Variants in COA1 observed in about 807,000 individuals in gnomAD.
COA1 encodes cytochrome c oxidase assembly factor 1, also known as cytochrome c oxidase assembly factor 1 homolog.
COA1 carries 13 observed loss-of-function variants against 16.0 expected under a neutral mutation model. The observed-to-expected ratio is 0.81, with a 90% CI of 0.53 to 1.29. The LOEUF is 1.29. Among genes scored for constraint, COA1 ranks in the 50% most tolerant of loss-of-function variants. The pLI is 0.00. For missense variants in COA1, 179 were observed against 177.0 expected, an observed-to-expected ratio of 1.01 and a Z score of -0.06; for synonymous variants, 65 against 65.7, an observed-to-expected ratio of 0.99 and a Z score of 0.05.
At chr7:43,700,314 C>T (rs1430303490) in intron 1 of COA1, among the ~76,000 whole-genome samples, 1 of 151,992 alleles carries the variant, frequency 6.6e-6, no homozygotes, top group Non-Finnish European at 1.5e-5. Context: ...GTATCCACTA[C>T]CTATCTAACA....
At chr7:43,616,750 A>G (rs1583678267) in intron 6 of COA1, among the ~76,000 whole-genome samples, 1 of 151,914 alleles carries the variant, frequency 6.6e-6, no homozygotes, top group Admixed American at 6.6e-5. Context: ...ACAAAAAATT[A>G]GCCGGGCGTG....
At chr7:43,649,333 C>T (rs1487545909) in intron 1 of COA1, 1 of 152,248 alleles carries the variant, frequency 6.6e-6, no homozygotes, top group Admixed American at 6.5e-5. Flanking sequence ...CTGGCTCCAG[C>T]ATCTGCTCTT....
rs1306736213 is a variant in COA1, at chr7:43,622,390, TACATG to T, written c.*134-12900_*134-12896del. The T allele has an allele frequency of 4.6e-5, 7 of 152,334 alleles. No individual in the cohort carries two copies. In the East Asian group the frequency reaches 1.3e-3, roughly 29 times the overall value. 9.4% of individuals were successfully genotyped at this position (152,334 alleles called of 1,614,324 possible). A position where few individuals can be genotyped will look rare whatever the true frequency, so the allele number is the denominator to read the frequency against. Reference sequence around the variant, plus strand: ...GGGTTTGTCACAAATGAGTAGTAGATACATGACCTTGAGTATTTCGTTTTTTCATA... The same window carrying T: ...GGGTTTGTCACAAATGAGTAGTAGATACCTTGAGTATTTCGTTTTTTCATA... On this transcript the variant is annotated intron_variant and NMD_transcript_variant, in intron 6 of 6. Coordinates refer to the COA1 transcript ENST00000415076.
intron 1 of COA1, among the ~76,000 whole-genome samples, chr7:43,727,250 T>A (rs2095635556): frequency 6.6e-6 from 1 of 152,192 alleles, no homozygotes; most frequent in South Asian, 2.1e-4. Flanking sequence ...ATCAAAACCC[T>A]AATACACTAC....
intron 1 of COA1, among the ~76,000 whole-genome samples, chr7:43,657,734 G>A (rs560903421): frequency 6.6e-6 from 1 of 152,160 alleles, no homozygotes; most frequent in Admixed American, 6.5e-5. Context: ...GCCACAGACT[G>A]GGAGAAAATA....
At chr7:43,710,348 C>CA (rs1165121530) in intron 1 of COA1, among the ~76,000 whole-genome samples, 1,133 of 52,446 alleles carry the variant, frequency 0.022, 129 homozygotes, top group Non-Finnish European at 0.026. Flanking sequence ...GACTCTGTCT[C>CA]AAAAAAAAAA....
chr7:43,653,527 G>A (rs762938183), intron 1 of COA1, among the ~76,000 whole-genome samples: 9 of 152,012 alleles, frequency 5.9e-5, no homozygotes, highest in South Asian at 2.1e-4. Context: ...AAATGTTAGC[G>A]CTGACTTTTT....
chr7:43,700,602 G>GTC (rs1357981751), intron 1 of COA1, among the ~76,000 whole-genome samples: 2 of 150,902 alleles, frequency 1.3e-5, no homozygotes, highest in African/African-American at 4.9e-5. Flanking sequence ...GTGTGTGTGT[G>GTC]TGTGTGTGTG....
chr7:43,644,490 A>C (rs1584267533), intron 4 of COA1, among the ~76,000 whole-genome samples: 1 of 152,108 alleles, frequency 6.6e-6, no homozygotes, highest in Admixed American at 6.6e-5. Context: ...AGAGTTGGGT[A>C]CATTTGAATG....
At position 43,657,949 on chromosome 7, in the gene COA1, C is replaced by T. The variant is rs1315575471; in HGVS notation, c.-38-9297G>A. Among the ~76,000 whole-genome samples, 4 of 152,016 alleles carry T rather than the reference C, an allele frequency of 2.6e-5. No individual in the cohort carries two copies. In the East Asian group the frequency reaches 5.8e-4, roughly 22 times the overall value. ...ATTAGGAAATTGCAAATTAAAACAACGAGAGGCGGAGGTTGCAGTGAGCCA... is the reference window on the plus strand; with the variant it reads ...ATTAGGAAATTGCAAATTAAAACAATGAGAGGCGGAGGTTGCAGTGAGCCA... On this transcript the variant is annotated intron_variant, in intron 1 of 5. Coordinates refer to ENST00000223336, the MANE Select transcript of COA1 (RefSeq NM_018224.4).
chr7:43,698,625 A>G (rs1157464836), intron 1 of COA1, among the ~76,000 whole-genome samples: 1 of 152,352 alleles, frequency 6.6e-6, no homozygotes, highest in African/African-American at 2.4e-5. Flanking sequence ...ATGAGCCAAC[A>G]GTGACGCCAG....
In COA1 at chr7:43,728,323, T is replaced by C. The variant is rs181194540; in HGVS notation, c.-39+1106A>G. ...AACTATGTGTCAGGAAGCTGTTTTA[T>C]TTTTTTAAAGGACTGAAGACTTTTG... On this transcript the variant is annotated intron_variant, in intron 1 of 5. Transcript: ENST00000223336. 8.4e-4 allele frequency among the ~76,000 whole-genome samples: 126 copies of C among 149,298 alleles called. No individual in the cohort carries two copies. The Middle Eastern group carries it at 0.01, about 12-fold the overall frequency.
At chr7:43,648,215 A>G (rs2089969504) in intron 2 of COA1, 1 of 302,746 alleles carries the variant, frequency 3.3e-6, no homozygotes, top group African/African-American at 2.1e-5. Context: ...GAGTATCAAA[A>G]TGAGTGTAAA....
chr7:43,705,362 A>G (rs1352331224), intron 1 of COA1, among the ~76,000 whole-genome samples: 1 of 152,234 alleles, frequency 6.6e-6, no homozygotes, highest in East Asian at 1.9e-4. Flanking sequence ...CAGCAGGGGA[A>G]GGCTACCGGC....
chr7:43,664,955 C>T (rs2092777175), intron 1 of COA1, among the ~76,000 whole-genome samples: 1 of 152,184 alleles, frequency 6.6e-6, no homozygotes, highest in Non-Finnish European at 1.5e-5. Flanking sequence ...GATGTTCTCA[C>T]ATGACTTTTC....
chr7:43,670,484 C>T (rs896481096), intron 1 of COA1, among the ~76,000 whole-genome samples: 4 of 151,938 alleles, frequency 2.6e-5, no homozygotes, highest in Non-Finnish European at 5.9e-5. Flanking sequence ...TAAACTCAGT[C>T]CCCAAAAGTA....
chr7:43,645,637 G>A (rs1409187336), intron 3 of COA1: 4 of 425,366 alleles, frequency 9.4e-6, no homozygotes, highest in Non-Finnish European at 1.7e-5. Flanking sequence ...TTGACCTCAT[G>A]CAGACCCTTT....
At chr7:43,691,421 AAAAG>A (rs375210311) in intron 1 of COA1, among the ~76,000 whole-genome samples, 11,940 of 86,660 alleles carry the variant, frequency 0.14, 1,037 homozygotes, top group Non-Finnish European at 0.15. Context: ...GGAAGAAAGA[AAAAG>A]AAAGAAAGAA....
chr7:43,715,800 C>T (rs551845612), intron 1 of COA1, among the ~76,000 whole-genome samples: 35 of 152,314 alleles, frequency 2.3e-4, no homozygotes, highest in Non-Finnish European at 4.4e-4. Flanking sequence ...TCTGTGTCCC[C>T]ACTCAAATCT....
Sources: allele counts gnomAD v4.1 joint callset (sites outside exome capture counted in the v4.1 genomes callset), GRCh38; gene constraint gnomAD v4.1.1; transcripts MANE v1.5; gene names NCBI Gene and HGNC (gene_info 2026-07-23, HGNC 2026-07-21).